Variants in PNLIPRP3 observed in about 807,000 individuals in gnomAD.
PNLIPRP3 encodes pancreatic lipase-related protein 3.
In PNLIPRP3, 58 loss-of-function variants were observed where a neutral mutation model predicts 52.8. That is an observed-to-expected ratio of 1.10 (90% CI 0.89 to 1.37). The LOEUF (loss-of-function observed/expected upper bound fraction) is 1.37. Among genes scored for constraint, PNLIPRP3 ranks in the 40% most tolerant of loss-of-function variants. The pLI, the probability that PNLIPRP3 is intolerant of heterozygous loss-of-function variation, is 0.00. For synonymous variants in PNLIPRP3, 192 were observed against 185.0 expected (o/e 1.04, Z -0.31); for missense variants, 593 against 561.6 (o/e 1.06, Z -0.57).
At chr10:116,444,623 C>T (rs1393880879) in intron 4 of PNLIPRP3, 110 bp downstream of exon 4, 4 of 1,086,448 alleles carry the variant, frequency 3.7e-6, no homozygotes, top group African/African-American at 3.2e-5. Flanking sequence ...AGGTACTGAA[C>T]ATGTGAAATA....
chr10:116,466,009 T>A, intron 7 of PNLIPRP3, 41 bp from the exon 8 acceptor site: 1 of 1,362,038 alleles, frequency 7.3e-7, no homozygotes, highest in Non-Finnish European at 1.1e-6. Context: ...CTACCAGTTA[T>A]CAGTTAATTG....
At chr10:116,463,681 G>A (rs760416074) in intron 7 of PNLIPRP3, among the ~76,000 whole-genome samples, 1 of 152,120 alleles carries the variant, frequency 6.6e-6, no homozygotes, top group Non-Finnish European at 1.5e-5. Context: ...AATGGGTGAG[G>A]ACCCAGGAAG....
At chr10:116,464,345 T>G (rs1325167943) in intron 7 of PNLIPRP3, among the ~76,000 whole-genome samples, 1 of 152,182 alleles carries the variant, frequency 6.6e-6, no homozygotes, top group Non-Finnish European at 1.5e-5. Flanking sequence ...TGATACAGGA[T>G]TTTTTTCCAT....
chr10:116,471,138 C>G (rs1210666774), intron 9 of PNLIPRP3, among the ~76,000 whole-genome samples: 1 of 152,082 alleles, frequency 6.6e-6, no homozygotes, highest in Non-Finnish European at 1.5e-5. Context: ...TGTTATTAAG[C>G]GTACAGTAAT....
At chr10:116,450,667 T>A (rs1589981900) in intron 4 of PNLIPRP3, among the ~76,000 whole-genome samples, 2 of 152,058 alleles carry the variant, frequency 1.3e-5, no homozygotes, top group Admixed American at 6.6e-5. Flanking sequence ...ATGAGACTAG[T>A]ATAAATAATT....
chr10:116,461,331 C>T (rs780165597), intron 7 of PNLIPRP3, 41 bp downstream of exon 7: 46 of 1,590,342 alleles, frequency 2.9e-5, no homozygotes, highest in Non-Finnish European at 4.0e-5. Context: ...GATGCATATT[C>T]ACTTAGCTCT....
chr10:116,457,422 A>G (rs1047577800), intron 5 of PNLIPRP3, among the ~76,000 whole-genome samples: 1 of 152,122 alleles, frequency 6.6e-6, no homozygotes, highest in African/African-American at 2.4e-5. Flanking sequence ...TCAATTTAGA[A>G]CACAGTTTTT....
rs953568295 is a variant in PNLIPRP3, at chr10:116,476,938, A to G, written c.1340+119A>G. ...AAATTTATAGACTTTGAAATTTTGCAATTAAAGAAAGGGAAAAGTTAAGAA... is the reference window on the plus strand; with the variant it reads ...AAATTTATAGACTTTGAAATTTTGCGATTAAAGAAAGGGAAAAGTTAAGAA... On this transcript the variant is annotated intron_variant, in intron 11 of 11. Transcript: ENST00000369230. The G allele has an allele frequency of 1.6e-5, 20 of 1,257,500 alleles. No homozygotes were observed. The African/African-American group carries it at 2.4e-4, about 15-fold the overall frequency. 77.9% of individuals were successfully genotyped at this position (1,257,500 alleles called of 1,614,324 possible). A position where few individuals can be genotyped will look rare whatever the true frequency, so the allele number is the denominator to read the frequency against.
At chr10:116,455,879 C>A in intron 5 of PNLIPRP3, 49 bp downstream of exon 5, 3 of 1,306,600 alleles carry the variant, frequency 2.3e-6, no homozygotes, top group Non-Finnish European at 3.3e-6. Context: ...ATATTGTTTA[C>A]ACACACTACC....
rs762607133 is a variant in PNLIPRP3 at position 116,443,797 on chromosome 10, GTGTGCATATATATATATATATATATA to G, written c.325-583_325-558del. Among the ~76,000 whole-genome samples, 17 of 120,128 alleles carry G rather than the reference GTGTGCATATATATATATATATATATA, an allele frequency of 1.4e-4. 1 individual carries two copies. Among genetic ancestry groups the G allele is most frequent in the East Asian group, 2.6e-4 (1 of 3,776 alleles). The allele number at this position is 120,128 out of a possible 152,430, so 78.8% of individuals were successfully genotyped here. A position where few individuals can be genotyped will look rare whatever the true frequency, so the allele number is the denominator to read the frequency against. ...TGTGTGTGTGTGTGTATGTATGTGT[GTGTGCATATATATATATATATATATA>G]TATATATATATATATATATATGGGT... On this transcript the variant is annotated intron_variant, in intron 3 of 11. Coordinates refer to ENST00000369230, the MANE Select transcript of PNLIPRP3 (RefSeq NM_001011709.3).
intron 4 of PNLIPRP3, among the ~76,000 whole-genome samples, chr10:116,447,149 C>CAA (rs1286188944): frequency 6.6e-6 from 1 of 152,142 alleles, no homozygotes; most frequent in Non-Finnish European, 1.5e-5. Context: ...AACTGCAAAT[C>CAA]AAAAGTTCCA....
chr10:116,444,518 G>C lies in PNLIPRP3; in HGVS notation c.456+5G>C, dbSNP rs1442761967. 4.4e-6 allele frequency: 7 copies of C among 1,606,722 alleles called. No individual in the cohort carries two copies. Among genetic ancestry groups the C allele is most frequent in the East Asian group, 2.2e-5 (1 of 44,768 alleles). On this transcript the variant is annotated splice_donor_5th_base_variant and intron_variant, in intron 4 of 11. Coordinates refer to ENST00000369230, the MANE Select transcript of PNLIPRP3 (RefSeq NM_001011709.3). ...TATTTTATTGATGTTCTCATGGTAA[G>C]AAGAGTTGATTTTTTTTTAATTATA...
intron 7 of PNLIPRP3, among the ~76,000 whole-genome samples, chr10:116,462,968 A>G (rs1433676138): frequency 6.6e-6 from 1 of 152,202 alleles, no homozygotes; most frequent in Non-Finnish European, 1.5e-5. Context: ...ACTTAAATTT[A>G]TTACTAACAA....
At chr10:116,433,068 C>A (rs1416924792) in intron 1 of PNLIPRP3, among the ~76,000 whole-genome samples, 2 of 128,104 alleles carry the variant, frequency 1.6e-5, no homozygotes, top group Non-Finnish European at 3.1e-5. Context: ...GAGCTGAGAT[C>A]GTGCCATTGC....
At chr10:116,456,759 G>T (rs1423966776) in intron 5 of PNLIPRP3, among the ~76,000 whole-genome samples, 1 of 152,158 alleles carries the variant, frequency 6.6e-6, no homozygotes, top group Non-Finnish European at 1.5e-5. Flanking sequence ...AGGCGGGGCT[G>T]GCCTCTCCCT....
intron 8 of PNLIPRP3, 44 bp from the exon 9 acceptor site, chr10:116,469,141 A>G: frequency 6.4e-7 from 1 of 1,560,304 alleles, no homozygotes; most frequent in Non-Finnish European, 8.7e-7. Flanking sequence ...GAAGGACAAC[A>G]TTTCTAATTA....
At chr10:116,440,737 T>C (rs1415452117) in intron 2 of PNLIPRP3, among the ~76,000 whole-genome samples, 1 of 152,304 alleles carries the variant, frequency 6.6e-6, no homozygotes, top group East Asian at 1.9e-4. Flanking sequence ...ACCAACCGAC[T>C]TCCCCCATGA....
intron 2 of PNLIPRP3, among the ~76,000 whole-genome samples, chr10:116,442,208 C>T (rs1845868670): frequency 6.6e-6 from 1 of 152,040 alleles, no homozygotes; most frequent in Non-Finnish European, 1.5e-5. Context: ...TTTATAGTCT[C>T]CTAAAGTCTT....
Position 116,477,330 on chromosome 10 carries a change from A to T in PNLIPRP3, c.*177A>T. 2.2e-6 allele frequency: 1 copy of T among 459,654 alleles called. No individual in the cohort carries two copies. Among genetic ancestry groups the T allele is most frequent in the Non-Finnish European group, 3.8e-6 (1 of 262,650 alleles). 28.5% of individuals were successfully genotyped at this position (459,654 alleles called of 1,614,324 possible). ...CTGTGTAGAATGTTCATCTAACTGC[A>T]CCTTAAAAACACACTGAACCCTGGG... On this transcript the variant is annotated 3_prime_UTR_variant, in exon 12 of 12. Transcript: ENST00000369230.
Sources: allele counts gnomAD v4.1 joint callset (sites outside exome capture counted in the v4.1 genomes callset), GRCh38; gene constraint gnomAD v4.1.1; transcripts MANE v1.5; gene names NCBI Gene and HGNC (gene_info 2026-07-23, HGNC 2026-07-21).